METAP1D: variants seen among roughly 807,000 people sequenced by gnomAD.
METAP1D encodes methionyl aminopeptidase type 1D, mitochondrial, also known as methionine aminopeptidase 1D, mitochondrial.
In METAP1D, 31 loss-of-function variants were observed where a neutral mutation model predicts 40.5. That is an observed-to-expected ratio of 0.77 (90% CI 0.58 to 1.03). The LOEUF is 1.03. Among genes scored for constraint, METAP1D ranks in the 50% least tolerant of loss-of-function variants. The probability of loss-of-function intolerance (pLI) is 0.00; values close to 1 mark genes in which losing one functional copy is unlikely to be tolerated. For missense variants in METAP1D, 411 were observed against 420.7 expected (o/e 0.98, Z 0.20); for synonymous variants, 151 against 146.4 (o/e 1.03, Z -0.22).
intron 2 of METAP1D, among the ~76,000 whole-genome samples, chr2:172,062,413 C>T (rs1050765828): frequency 6.6e-6 from 1 of 152,206 alleles, no homozygotes; most frequent in Non-Finnish European, 1.5e-5. Flanking sequence ...CTGGCCTGGC[C>T]ATCACAGTGA....
intron 1 of METAP1D, among the ~76,000 whole-genome samples, chr2:172,028,708 G>A (rs1351730279): frequency 2.0e-5 from 3 of 152,002 alleles, no homozygotes; most frequent in Admixed American, 1.3e-4. Flanking sequence ...GGTTTGCCAC[G>A]AACTATATAA....
At chr2:172,019,447 G>A (rs1191173052) in intron 1 of METAP1D, among the ~76,000 whole-genome samples, 2 of 152,068 alleles carry the variant, frequency 1.3e-5, no homozygotes, top group Non-Finnish European at 1.5e-5. Context: ...TGGGCATGGT[G>A]GCTCATGCCT....
intron 1 of METAP1D, among the ~76,000 whole-genome samples, chr2:172,011,363 C>T (rs1450351345): frequency 1.3e-5 from 2 of 151,044 alleles, no homozygotes; most frequent in Non-Finnish European, 2.9e-5. Flanking sequence ...CGGCTCACTG[C>T]AAGCTCCGCA....
At chr2:172,006,704 A>G (rs1204429607) in intron 1 of METAP1D, among the ~76,000 whole-genome samples, 3 of 152,238 alleles carry the variant, frequency 2.0e-5, no homozygotes, top group African/African-American at 7.2e-5. Flanking sequence ...ACAGTTAAAC[A>G]TAATGCAAAA....
chr2:172,052,099 G>A (rs867104968), intron 1 of METAP1D, among the ~76,000 whole-genome samples: 5 of 152,176 alleles, frequency 3.3e-5, no homozygotes, highest in Non-Finnish European at 5.9e-5. Context: ...ATTCAACTAT[G>A]TGCTTTATTT....
intron 6 of METAP1D, among the ~76,000 whole-genome samples, chr2:172,073,187 G>T (rs1023847108): frequency 1.2e-4 from 18 of 152,098 alleles, no homozygotes; most frequent in Admixed American, 3.3e-4. Flanking sequence ...TTCAAGTGGC[G>T]GCTGGGTGCT....
chr2:172,058,113 A>ACAC (rs1690041308), intron 1 of METAP1D, among the ~76,000 whole-genome samples: 1 of 151,804 alleles, frequency 6.6e-6, no homozygotes, highest in Non-Finnish European at 1.5e-5. Flanking sequence ...GAGTAGCTGA[A>ACAC]CTCCTGAGTA....
chr2:172,040,746 C>CT (rs782267064), intron 1 of METAP1D, among the ~76,000 whole-genome samples: 23,443 of 117,074 alleles, frequency 0.2, 3,389 homozygotes, highest in South Asian at 0.26. Context: ...TTCAGGCCCT[C>CT]TTTTTTTTTT....
In METAP1D at chr2:172,036,179, T is replaced by C. The variant is rs560076476; in HGVS notation, c.41-25319T>C. 4.0e-4 allele frequency among the ~76,000 whole-genome samples: 60 copies of C among 150,878 alleles called. 2 individuals carry two copies. The South Asian group carries it at 0.011, about 28-fold the overall frequency. On this transcript the variant is annotated intron_variant, in intron 1 of 9. Coordinates refer to ENST00000315796, the MANE Select transcript of METAP1D (RefSeq NM_199227.3). ...AAAAATACAAAAAGTTAGCTGGGCG[T>C]GGTGGCGGGTGCCTGTAGTCCCAGC...
chr2:172,009,711 A>G (rs1024622814), intron 1 of METAP1D, among the ~76,000 whole-genome samples: 1 of 152,164 alleles, frequency 6.6e-6, no homozygotes, highest in African/African-American at 2.4e-5. Flanking sequence ...AGAAAGTGAG[A>G]TGGTGTCTCC....
At chr2:172,072,977 G>A (rs555859600) in intron 6 of METAP1D, among the ~76,000 whole-genome samples, 1 of 152,238 alleles carries the variant, frequency 6.6e-6, no homozygotes, top group South Asian at 2.1e-4. Context: ...GCTCTGCTAT[G>A]GAAAGAGCAT....
At chr2:172,034,927 A>T (rs1449996238) in intron 1 of METAP1D, among the ~76,000 whole-genome samples, 1 of 151,752 alleles carries the variant, frequency 6.6e-6, no homozygotes, top group Non-Finnish European at 1.5e-5. Flanking sequence ...ACACATCAAT[A>T]AAGATTTTAA....
intron 3 of METAP1D, chr2:172,064,507 C>T (rs1690205760): frequency 6.6e-6 from 1 of 151,744 alleles, no homozygotes; most frequent in Non-Finnish European, 1.5e-5. Flanking sequence ...GTAGTCCCAG[C>T]TACTTGGGAG....
At chr2:172,011,705 A>G (rs1338249112) in intron 1 of METAP1D, among the ~76,000 whole-genome samples, 2 of 152,168 alleles carry the variant, frequency 1.3e-5, no homozygotes, top group African/African-American at 2.4e-5. Context: ...GTTCATCCCT[A>G]TTGTGGCATG....
At position 172,039,415 on chromosome 2, in the gene METAP1D, CTG is replaced by C. The variant is rs1461564580; in HGVS notation, c.41-22080_41-22079del. Among the ~76,000 whole-genome samples the C allele has an allele frequency of 4.6e-5, 7 of 152,334 alleles. No homozygotes were observed. The South Asian group carries it at 1.4e-3, about 32-fold the overall frequency. ...GCCTCAGGGTTACTCCCAGGAAACA[CTG>C]TGGCTGTGAACTCCAAATTAAAAAT... On this transcript the variant is annotated intron_variant, in intron 1 of 9. Transcript: ENST00000315796.
At chr2:172,030,712 T>C (rs551301494) in intron 1 of METAP1D, among the ~76,000 whole-genome samples, 51 of 152,376 alleles carry the variant, frequency 3.3e-4, no homozygotes, top group African/African-American at 1.2e-3. Context: ...TCGCAGGAAA[T>C]ATACTGTTTC....
At chr2:172,015,725 C>T (rs972054144) in intron 1 of METAP1D, among the ~76,000 whole-genome samples, 3 of 152,004 alleles carry the variant, frequency 2.0e-5, no homozygotes, top group African/African-American at 7.3e-5. Context: ...TTTGGAAAGC[C>T]AAGATGGGAG....
At chr2:172,053,260 T>C (rs1329884030) in intron 1 of METAP1D, among the ~76,000 whole-genome samples, 1 of 152,222 alleles carries the variant, frequency 6.6e-6, no homozygotes, top group Non-Finnish European at 1.5e-5. Flanking sequence ...AGTAATTGGT[T>C]GGAGTTCATG....
At position 172,022,757 on chromosome 2, in the gene METAP1D, T is replaced by A. The variant is rs557095186; in HGVS notation, c.40+22748T>A. On this transcript the variant is annotated intron_variant, in intron 1 of 9. Transcript: ENST00000315796. ...TGTTTTTAAGATGGTAAGGTGAGTA[T>A]TAGCAGTCAATGCAATTAAACTTAA... Among the ~76,000 whole-genome samples, 31 of 152,356 alleles carry A rather than the reference T, an allele frequency of 2.0e-4. 1 individual carries two copies. The highest frequency in any genetic ancestry group is 3.7e-4 in the Non-Finnish European group (25 of 68,030).
Sources: allele counts gnomAD v4.1 joint callset (sites outside exome capture counted in the v4.1 genomes callset), GRCh38; gene constraint gnomAD v4.1.1; transcripts MANE v1.5; gene names NCBI Gene and HGNC (gene_info 2026-07-23, HGNC 2026-07-21).